Variants in NUDT3 observed in about 807,000 individuals in gnomAD.
NUDT3 encodes the protein nudix hydrolase 3.
A neutral mutation model predicts 23.6 loss-of-function variants in NUDT3; 9 were observed. The ratio of observed to expected loss-of-function variants is 0.38; its 90% CI spans 0.23 to 0.66. The LOEUF (loss-of-function observed/expected upper bound fraction) is 0.66, where lower values mean the gene tolerates loss of function less well. NUDT3 is among the 30% of genes least tolerant of loss of function. The pLI is 0.52. For missense variants in NUDT3, 172 were observed against 218.5 expected, an observed-to-expected ratio of 0.79 and a Z score of 1.34; for synonymous variants, 86 against 82.6, an observed-to-expected ratio of 1.04 and a Z score of -0.22.
rs1350018544 is a variant in NUDT3, at chr6:34,280,875, C to T, written c.*7878G>A. On this transcript the variant is annotated 3_prime_UTR_variant, in exon 5 of 5. Transcript: ENST00000607016. The stretch of plus-strand genomic sequence containing the variant: ...CTGTCTCAGTTCCACAGATATTACT[C>T]AACTTGGCCATTTACGCCTCAGCTA... 1 of 152,190 alleles carries T rather than the reference C, an allele frequency of 6.6e-6. No homozygotes were observed. Among genetic ancestry groups the T allele is most frequent in the Non-Finnish European group, 1.5e-5 (1 of 68,038 alleles). The allele number at this position is 152,190 out of a possible 1,614,324, so 9.4% of individuals were successfully genotyped here.
intron 2 of NUDT3, among the ~76,000 whole-genome samples, chr6:34,310,959 T>C (rs1427831807): frequency 2.9e-5 from 4 of 140,038 alleles, no homozygotes; most frequent in Non-Finnish European, 6.2e-5. Context: ...TAAAAGAAAC[T>C]CTCAACCTCC....
chr6:34,364,957 C>T (rs1764704812), intron 1 of NUDT3, among the ~76,000 whole-genome samples: 2 of 151,994 alleles, frequency 1.3e-5, no homozygotes, highest in African/African-American at 4.8e-5. Context: ...GGAGGTGGAG[C>T]TTGCAGTGAG....
rs542138937 is a variant in NUDT3 at position 34,287,695 on chromosome 6, T to G, written c.*1058A>C. On this transcript the variant is annotated 3_prime_UTR_variant, in exon 5 of 5. Transcript: ENST00000607016. ...GTAAAGTTGGATGCTTCAGAGCACA[T>G]GGATGATACCCAGGTCAGCACGGTG... is the stretch of plus-strand genomic sequence containing the variant. 1.3e-5 allele frequency: 2 copies of G among 152,266 alleles called. No homozygotes were observed. The highest frequency in any genetic ancestry group is 4.8e-5 in the African/African-American group (2 of 41,458). 9.4% of individuals were successfully genotyped at this position (152,266 alleles called of 1,614,324 possible).
At chr6:34,305,910 G>C (rs1763672546) in intron 2 of NUDT3, among the ~76,000 whole-genome samples, 1 of 152,024 alleles carries the variant, frequency 6.6e-6, no homozygotes, top group Non-Finnish European at 1.5e-5. Context: ...TGATGCTCTG[G>C]AATTTTTAAC....
At chr6:34,391,869 C>A (rs568659812) in intron 1 of NUDT3, among the ~76,000 whole-genome samples, 38 of 152,242 alleles carry the variant, frequency 2.5e-4, no homozygotes, top group African/African-American at 8.9e-4. Context: ...GCACGCCGGC[C>A]TCCGCACACA....
intron 1 of NUDT3, among the ~76,000 whole-genome samples, chr6:34,357,246 G>A (rs1481209425): frequency 6.6e-6 from 1 of 152,114 alleles, no homozygotes; most frequent in Non-Finnish European, 1.5e-5. Context: ...AACAGTTGAA[G>A]CTGACTGAGG....
At chr6:34,365,491 G>C (rs1029541770) in intron 1 of NUDT3, among the ~76,000 whole-genome samples, 4 of 152,130 alleles carry the variant, frequency 2.6e-5, no homozygotes, top group African/African-American at 9.7e-5. Flanking sequence ...AAAAAGGAAT[G>C]AGATTCTGAC....
chr6:34,389,011 T>C (rs1355371756), intron 1 of NUDT3, among the ~76,000 whole-genome samples: 2 of 152,220 alleles, frequency 1.3e-5, no homozygotes, highest in Non-Finnish European at 2.9e-5. Flanking sequence ...CTCTTGCCTA[T>C]AATCCCAGCA....
intron 2 of NUDT3, among the ~76,000 whole-genome samples, chr6:34,300,869 C>G (rs1416692193): frequency 6.6e-6 from 1 of 152,226 alleles, no homozygotes; most frequent in Non-Finnish European, 1.5e-5. Flanking sequence ...TCCCCACTCC[C>G]TGCAAGAGAC....
chr6:34,368,496 C>T (rs375325502), intron 1 of NUDT3, among the ~76,000 whole-genome samples: 2 of 152,284 alleles, frequency 1.3e-5, no homozygotes, highest in African/African-American at 4.8e-5. Context: ...GTTTATTTGG[C>T]TGTCATTAAA....
At chr6:34,336,273 AAAC>A (rs1764207909) in intron 2 of NUDT3, among the ~76,000 whole-genome samples, 2 of 152,050 alleles carry the variant, frequency 1.3e-5, no homozygotes, top group Admixed American at 1.3e-4. Context: ...ACAAACAAAC[AAAC>A]AAAAGGTTAT....
At chr6:34,352,095 T>C (rs1279090509) in intron 1 of NUDT3, among the ~76,000 whole-genome samples, 2 of 152,168 alleles carry the variant, frequency 1.3e-5, no homozygotes, top group African/African-American at 4.8e-5. Context: ...CATTATTTCC[T>C]AGGAAAATTC....
chr6:34,310,343 A>G (rs555071575), intron 2 of NUDT3, among the ~76,000 whole-genome samples: 15 of 151,992 alleles, frequency 9.9e-5, no homozygotes, highest in African/African-American at 3.6e-4. Context: ...CAGCCTGGCC[A>G]ACACAGTGAA....
chr6:34,368,871 C>T (rs1002512957), intron 1 of NUDT3, among the ~76,000 whole-genome samples: 1 of 152,198 alleles, frequency 6.6e-6, no homozygotes, highest in African/African-American at 2.4e-5. Flanking sequence ...ATCTCCAGAC[C>T]TCATGATCCG....
At chr6:34,375,029 C>T (rs755518601) in intron 1 of NUDT3, among the ~76,000 whole-genome samples, 5 of 152,170 alleles carry the variant, frequency 3.3e-5, no homozygotes, top group Non-Finnish European at 7.3e-5. Context: ...ATTCCACCTC[C>T]TTTTGAGCCC....
intron 1 of NUDT3, among the ~76,000 whole-genome samples, chr6:34,361,450 T>A (rs1044589402): frequency 6.6e-6 from 1 of 152,110 alleles, no homozygotes; most frequent in African/African-American, 2.4e-5. Context: ...TACAGCAACT[T>A]TGGAAAACAG....
chr6:34,346,915 T>C (rs1764380090), intron 1 of NUDT3, among the ~76,000 whole-genome samples: 1 of 152,072 alleles, frequency 6.6e-6, no homozygotes, highest in Non-Finnish European at 1.5e-5. Flanking sequence ...ACCACCATGC[T>C]CGGCTAATTT....
intron 4 of NUDT3, among the ~76,000 whole-genome samples, chr6:34,289,304 C>T (rs1019247221): frequency 4.6e-5 from 7 of 152,228 alleles, no homozygotes; most frequent in African/African-American, 1.7e-4. Context: ...AGGTGGCTCA[C>T]GCCTACAATC....
chr6:34,338,588 T>C (rs532750413), intron 2 of NUDT3, among the ~76,000 whole-genome samples: 2 of 152,288 alleles, frequency 1.3e-5, no homozygotes, highest in African/African-American at 4.8e-5. Flanking sequence ...AACGGACAAA[T>C]AACATTCAAT....
Sources: gnomAD v4.1 joint callset for allele counts (sites outside exome capture counted in the v4.1 genomes callset) on GRCh38, gnomAD v4.1.1 for gene constraint, MANE v1.5 for transcripts, NCBI Gene and HGNC (gene_info 2026-07-23, HGNC 2026-07-21) for gene names.